Variants in ZBTB20 observed in about 807,000 individuals in gnomAD.
The protein encoded by ZBTB20 is zinc finger and BTB domain-containing protein 20.
In ZBTB20, 9 loss-of-function variants were observed where a neutral mutation model predicts 56.9. The ratio of observed to expected loss-of-function variants is 0.16; its 90% CI spans 0.10 to 0.28. The LOEUF (loss-of-function observed/expected upper bound fraction) is 0.28, where lower values mean the gene tolerates loss of function less well. Among genes scored for constraint, ZBTB20 ranks in the 10% least tolerant of loss-of-function variants. The pLI is 1.00. For synonymous variants in ZBTB20, 417 were observed against 420.7 expected (o/e 0.99, Z 0.11); for missense variants, 655 against 1,003.0 (o/e 0.65, Z 4.69).
chr3:115,018,932 A>T (rs1455671465), intron 2 of ZBTB20, among the ~76,000 whole-genome samples: 1 of 151,232 alleles, frequency 6.6e-6, no homozygotes, highest in Non-Finnish European at 1.5e-5. Flanking sequence ...CTTGGAGAAC[A>T]TTTTGTTCTG....
chr3:114,779,421 T>C (rs1183188516), intron 5 of ZBTB20, among the ~76,000 whole-genome samples: 1 of 152,216 alleles, frequency 6.6e-6, no homozygotes, highest in Admixed American at 6.5e-5. Context: ...CTCTTAGTTC[T>C]ATCACCCCTG....
At chr3:114,734,109 C>G (rs2065954839) in intron 5 of ZBTB20, among the ~76,000 whole-genome samples, 1 of 151,800 alleles carries the variant, frequency 6.6e-6, no homozygotes, top group Admixed American at 6.6e-5. Flanking sequence ...GGTTTTCAAA[C>G]TATGCTTCAT....
intron 5 of ZBTB20, among the ~76,000 whole-genome samples, chr3:114,775,435 G>A (rs1264436644): frequency 6.6e-6 from 1 of 151,196 alleles, no homozygotes; most frequent in Non-Finnish European, 1.5e-5. Flanking sequence ...TATTCATGTG[G>A]TTAAAATTCT....
chr3:114,813,036 C>T (rs1011235021), intron 4 of ZBTB20, among the ~76,000 whole-genome samples: 2 of 152,082 alleles, frequency 1.3e-5, no homozygotes, highest in African/African-American at 4.8e-5. Flanking sequence ...CGCACCTCTC[C>T]CTCCACACCT....
At chr3:114,517,367 G>C (rs1276067976) in intron 6 of ZBTB20, among the ~76,000 whole-genome samples, 4 of 152,108 alleles carry the variant, frequency 2.6e-5, no homozygotes, top group Non-Finnish European at 5.9e-5. Context: ...CTGACACTGA[G>C]AGTCATAGGC....
intron 7 of ZBTB20, among the ~76,000 whole-genome samples, chr3:114,440,399 G>A (rs751683445): frequency 2.6e-5 from 4 of 152,182 alleles, no homozygotes; most frequent in East Asian, 1.9e-4. Flanking sequence ...CTATGGAATT[G>A]GGTATCCTTT....
rs183068366 is a variant in ZBTB20, at chr3:114,829,210, C to A, written c.-416-28036G>T. Among the ~76,000 whole-genome samples, 7 of 151,872 alleles carry A rather than the reference C, an allele frequency of 4.6e-5. No homozygotes were observed. In the East Asian group the frequency reaches 1.4e-3, roughly 29 times the overall value. On this transcript the variant is annotated intron_variant, in intron 4 of 11. Coordinates refer to ENST00000675478, the MANE Select transcript of ZBTB20 (RefSeq NM_001348800.3). Reference sequence around the variant, plus strand: ...GCATATATTCAAACTGTATTTCATCCAAGTGGGTTGTCAATAAGCTTAAAT... The same window carrying A: ...GCATATATTCAAACTGTATTTCATCAAAGTGGGTTGTCAATAAGCTTAAAT...
chr3:114,480,821 T>C (rs1227772626), intron 7 of ZBTB20, among the ~76,000 whole-genome samples: 9 of 145,806 alleles, frequency 6.2e-5, no homozygotes, highest in Non-Finnish European at 4.6e-5. Context: ...AGGCTGGTCA[T>C]TTTTTTTTTT....
chr3:114,984,322 T>C (rs1240911975), intron 2 of ZBTB20, among the ~76,000 whole-genome samples: 1 of 152,106 alleles, frequency 6.6e-6, no homozygotes, highest in African/African-American at 2.4e-5. Context: ...TAGTTACATA[T>C]GTATACATGT....
chr3:114,794,154 T>G (rs1246406605), intron 5 of ZBTB20, among the ~76,000 whole-genome samples: 1 of 151,992 alleles, frequency 6.6e-6, no homozygotes, highest in Non-Finnish European at 1.5e-5. Flanking sequence ...GGGGCTCAGT[T>G]TTTTCATTAT....
At chr3:114,747,247 A>G (rs1328171500) in intron 5 of ZBTB20, among the ~76,000 whole-genome samples, 1 of 152,174 alleles carries the variant, frequency 6.6e-6, no homozygotes, top group Non-Finnish European at 1.5e-5. Context: ...TGGGATTAAC[A>G]GAAAGGGTGG....
intron 4 of ZBTB20, among the ~76,000 whole-genome samples, chr3:114,820,334 G>A (rs180846677): frequency 5.9e-5 from 9 of 152,014 alleles, no homozygotes; most frequent in Admixed American, 3.3e-4. Context: ...GCTAAGTGAA[G>A]AGATCACTAT....
chr3:114,444,272 C>T (rs1046724920), intron 7 of ZBTB20, among the ~76,000 whole-genome samples: 7 of 151,914 alleles, frequency 4.6e-5, no homozygotes, highest in East Asian at 1.9e-4. Flanking sequence ...TTTTTGGTGG[C>T]GATAGAGGGA....
intron 5 of ZBTB20, among the ~76,000 whole-genome samples, chr3:114,794,780 A>G (rs1267717946): frequency 2.6e-5 from 4 of 152,144 alleles, no homozygotes; most frequent in Non-Finnish European, 4.4e-5. Context: ...ACTTAAAAAA[A>G]GCCTGGATTG....
chr3:115,062,459 T>C (rs996511184), intron 2 of ZBTB20, among the ~76,000 whole-genome samples: 3 of 152,166 alleles, frequency 2.0e-5, no homozygotes, highest in African/African-American at 7.2e-5. Context: ...ATCCCCCCTT[T>C]CTATCTTGGT....
rs1329186630 is a variant in ZBTB20, at chr3:114,323,615, T to C, written c.*15390A>G. 6.6e-6 allele frequency: 1 copy of C among 152,310 alleles called. No individual in the cohort carries two copies. The highest frequency in any genetic ancestry group is 1.9e-4 in the East Asian group (1 of 5,180). The allele number at this position is 152,310 out of a possible 1,614,324, so 9.4% of individuals were successfully genotyped here. On this transcript the variant is annotated 3_prime_UTR_variant, in exon 12 of 12. Coordinates refer to ENST00000675478, the MANE Select transcript of ZBTB20 (RefSeq NM_001348800.3). ...GGCAAAGACTTCTACATCATATCAA[T>C]TGGCTTCTTCACTGTTAAAACTCTT... is the stretch of plus-strand genomic sequence containing the variant.
At chr3:114,804,067 G>A (rs1271555322) in intron 4 of ZBTB20, among the ~76,000 whole-genome samples, 2 of 151,878 alleles carry the variant, frequency 1.3e-5, no homozygotes, top group African/African-American at 4.8e-5. Flanking sequence ...TACAAAATCC[G>A]GAAGAATGCT....
chr3:114,520,044 A>G (rs2109915778), intron 6 of ZBTB20: 1 of 152,262 alleles, frequency 6.6e-6, no homozygotes, highest in South Asian at 2.1e-4. Flanking sequence ...TCAGAGAGCA[A>G]TAAAATTTAA....
Position 114,317,944 on chromosome 3 carries a change from T to C in ZBTB20, c.*21061A>G, listed in dbSNP as rs1337667909. 6.6e-6 allele frequency: 1 copy of C among 152,184 alleles called. No homozygotes were observed. The highest frequency in any genetic ancestry group is 2.4e-5 in the African/African-American group (1 of 41,446). 9.4% of individuals were successfully genotyped at this position (152,184 alleles called of 1,614,324 possible). A position where few individuals can be genotyped will look rare whatever the true frequency, so the allele number is the denominator to read the frequency against. ...GAAGAAATAGAGGCCTCTCTTCAGC[T>C]TTCTGTCATTGACAGTCTCAAGATT... On this transcript the variant is annotated 3_prime_UTR_variant, in exon 12 of 12. Transcript: ENST00000675478.
Sources: gnomAD v4.1 joint callset for allele counts (sites outside exome capture counted in the v4.1 genomes callset) on GRCh38, gnomAD v4.1.1 for gene constraint, MANE v1.5 for transcripts, NCBI Gene and HGNC (gene_info 2026-07-23, HGNC 2026-07-21) for gene names.